Variants in FANCB observed in about 807,000 individuals in gnomAD.
FANCB encodes Fanconi anemia group B protein.
Under a neutral mutation model 38.9 loss-of-function variants are expected in FANCB, and 5 were observed. That is an observed-to-expected ratio of 0.13 (90% CI 0.07 to 0.27). The LOEUF is 0.27. Among genes scored for constraint, FANCB ranks in the 10% least tolerant of loss-of-function variants. FANCB has a pLI of 1.00. For synonymous variants in FANCB, 236 were observed against 215.4 expected (o/e 1.10, Z -0.84); for missense variants, 573 against 602.7 (o/e 0.95, Z 0.52).
chrX:14,706,870 T>C, the FANCB span, among the ~76,000 whole-genome samples: 2 of 112,206 alleles, frequency 1.8e-5, no homozygotes, highest in African/African-American at 3.2e-5. Flanking sequence ...CTTCAAATTA[T>C]GGTAGTTTGG....
At chrX:14,745,181 C>T in the FANCB span, among the ~76,000 whole-genome samples, 47 of 111,467 alleles carry the variant, frequency 4.2e-4, no homozygotes, top group African/African-American at 1.5e-3. Context: ...AAAAGATAAA[C>T]TTAGGCACAT....
the FANCB span, among the ~76,000 whole-genome samples, chrX:14,825,362 T>C: frequency 8.9e-6 from 1 of 112,022 alleles, no homozygotes; most frequent in Non-Finnish European, 1.9e-5. Context: ...ATGTCTATTA[T>C]ATGCTAGTCT....
chrX:14,866,019 CA>C (rs2092468338), intron 2 of FANCB, among the ~76,000 whole-genome samples: 1 of 111,481 alleles, frequency 9.0e-6, no homozygotes, highest in Non-Finnish European at 1.9e-5. Context: ...TCACTCTCCC[CA>C]AATACGTTGA....
At chrX:14,726,899 G>A in the FANCB span, among the ~76,000 whole-genome samples, 1 of 111,830 alleles carries the variant, frequency 8.9e-6, no homozygotes, top group Non-Finnish European at 1.9e-5. Context: ...TTACTGAGGC[G>A]GTGAACTATA....
chrX:14,771,543 A>G, the FANCB span, among the ~76,000 whole-genome samples: 1 of 111,524 alleles, frequency 9.0e-6, no homozygotes, highest in Admixed American at 9.6e-5. Context: ...GTACTGTTTT[A>G]TCATGATTCT....
chrX:14,811,756 G>A, the FANCB span, among the ~76,000 whole-genome samples: 2 of 111,066 alleles, frequency 1.8e-5, no homozygotes, highest in Admixed American at 9.5e-5. Context: ...ACAGATCAAC[G>A]AGACAGAAAG....
chrX:14,812,830 C>T, the FANCB span, among the ~76,000 whole-genome samples: 1 of 111,085 alleles, frequency 9.0e-6, no homozygotes, highest in East Asian at 2.8e-4. Context: ...CCAGCATCAT[C>T]CTGATACCAA....
At chrX:14,739,258 C>T in the FANCB span, among the ~76,000 whole-genome samples, 1 of 111,610 alleles carries the variant, frequency 9.0e-6, no homozygotes, top group South Asian at 3.8e-4. Context: ...ATGTTTAATG[C>T]CTATGACAGC....
At chrX:14,787,710 T>C in the FANCB span, among the ~76,000 whole-genome samples, 1 of 106,971 alleles carries the variant, frequency 9.3e-6, no homozygotes, top group Admixed American at 1.0e-4. Context: ...CCTAAATCTA[T>C]AAATTAAAAA....
At chrX:14,833,889 G>A (rs1786755325), downstream of FANCB, among the ~76,000 whole-genome samples, 1 of 111,879 alleles carries the variant, frequency 8.9e-6, no homozygotes, top group African/African-American at 3.3e-5. Flanking sequence ...AGCTACTCAG[G>A]GGTGCTGAGG....
At chrX:14,736,738 A>G in the FANCB span, among the ~76,000 whole-genome samples, 4 of 112,275 alleles carry the variant, frequency 3.6e-5, no homozygotes, top group African/African-American at 1.3e-4. Flanking sequence ...GGATTTTCGT[A>G]TCTGGTTTTC....
At chrX:14,855,032 G>T (rs938172341) in intron 5 of FANCB, among the ~76,000 whole-genome samples, 3 of 111,639 alleles carry the variant, frequency 2.7e-5, no homozygotes, top group African/African-American at 9.8e-5. Flanking sequence ...CATTCCTTCC[G>T]TTGCTTTACA....
the FANCB span, among the ~76,000 whole-genome samples, chrX:14,735,567 G>T: frequency 8.9e-6 from 1 of 112,220 alleles, no homozygotes; most frequent in Non-Finnish European, 1.9e-5. Context: ...AGCAGAGGCT[G>T]CAGAACAGCA....
chrX:14,704,853 A>C, the FANCB span, among the ~76,000 whole-genome samples: 3 of 112,007 alleles, frequency 2.7e-5, no homozygotes, highest in Non-Finnish European at 5.6e-5. Context: ...GTTTTCACAA[A>C]ATTTTAGAGG....
At chrX:14,846,773 C>T (rs1314229400) in intron 7 of FANCB, among the ~76,000 whole-genome samples, 2 of 108,558 alleles carry the variant, frequency 1.8e-5, no homozygotes, top group East Asian at 5.8e-4. Context: ...CAGCAAAATC[C>T]AGTCTATAGA....
the FANCB span, among the ~76,000 whole-genome samples, chrX:14,711,388 G>A: frequency 2.7e-5 from 3 of 112,393 alleles, no homozygotes; most frequent in Non-Finnish European, 5.6e-5. Context: ...CAGAGGTTCT[G>A]ATACGCTAAT....
chrX:14,796,683 C>T, the FANCB span, among the ~76,000 whole-genome samples: 5 of 68,568 alleles, frequency 7.3e-5, no homozygotes, highest in East Asian at 4.1e-4. Context: ...CACACACACA[C>T]GTCTATATAT....
the FANCB span, among the ~76,000 whole-genome samples, chrX:14,711,962 T>A: frequency 4.4e-5 from 5 of 112,948 alleles, no homozygotes; most frequent in East Asian, 1.4e-3. Context: ...GTAACAAATC[T>A]TCCGCGATTA....
the FANCB span, among the ~76,000 whole-genome samples, chrX:14,812,933 C>T: frequency 1.2e-4 from 12 of 101,646 alleles, no homozygotes; most frequent in African/African-American, 1.5e-4. Context: ...ACTGGCAAAC[C>T]GAATCCAGCA....
Sources: allele counts gnomAD v4.1 joint callset (sites outside exome capture counted in the v4.1 genomes callset), GRCh38; gene constraint gnomAD v4.1.1; transcripts MANE v1.5; gene names NCBI Gene and HGNC (gene_info 2026-07-23, HGNC 2026-07-21).